UBXN11: variants seen among roughly 807,000 people sequenced by gnomAD.
The protein encoded by UBXN11 is UBX domain protein 11, also known as UBX domain-containing protein 11.
Under a neutral mutation model 62.8 loss-of-function variants are expected in UBXN11, and 47 were observed. That is an observed-to-expected ratio of 0.75 (90% CI 0.59 to 0.95). UBXN11 has a LOEUF of 0.95. UBXN11 is among the 40% of genes least tolerant of loss of function. The probability of loss-of-function intolerance (pLI) is 0.00; values close to 1 mark genes in which losing one functional copy is unlikely to be tolerated. For synonymous variants in UBXN11, 294 were observed against 267.0 expected (o/e 1.10, Z -0.99); for missense variants, 638 against 661.7 (o/e 0.96, Z 0.39).
chr1:26,311,490 T>G (rs2073744304), upstream of UBXN11, among the ~76,000 whole-genome samples: 1 of 151,380 alleles, frequency 6.6e-6, no homozygotes, highest in Admixed American at 6.6e-5. Context: ...TTGCCAAGGT[T>G]GGAGTGCAGT....
At chr1:26,296,860 TG>T (rs2073405435) in intron 7 of UBXN11, 58 bp downstream of exon 7, 2 of 1,531,976 alleles carry the variant, frequency 1.3e-6, no homozygotes, top group African/African-American at 2.7e-5. Context: ...CTGAGGAACA[TG>T]CCGTGAAGAG....
chr1:26,311,430 A>G (rs564274331), upstream of UBXN11, among the ~76,000 whole-genome samples: 13 of 148,738 alleles, frequency 8.7e-5, no homozygotes, highest in African/African-American at 3.2e-4. Context: ...ATGAGCCACC[A>G]TGCCCGGTGG....
chr1:26,308,199 G>A (rs2073701792), upstream of UBXN11, among the ~76,000 whole-genome samples: 2 of 150,756 alleles, frequency 1.3e-5, no homozygotes, highest in Non-Finnish European at 1.5e-5. Context: ...CCTGGGAGGC[G>A]GAGGTTGCGG....
chr1:26,302,196 T>C (rs1050796407), intron 2 of UBXN11, among the ~76,000 whole-genome samples: 1 of 151,848 alleles, frequency 6.6e-6, no homozygotes, highest in African/African-American at 2.4e-5. Context: ...AACCCGTCTC[T>C]ACTAAAAATA....
At chr1:26,315,014 G>C (rs1449977644) in intron 1 of UBXN11, among the ~76,000 whole-genome samples, 2 of 152,058 alleles carry the variant, frequency 1.3e-5, no homozygotes, top group Non-Finnish European at 2.9e-5. Context: ...CCAGGAGTTC[G>C]AGGTTACAGT....
chr1:26,294,650 G>A (rs2073352347), intron 7 of UBXN11, among the ~76,000 whole-genome samples: 1 of 152,210 alleles, frequency 6.6e-6, no homozygotes, highest in African/African-American at 2.4e-5. Context: ...AGCCTCCTTG[G>A]CTGCAGAAAT....
intron 1 of UBXN11, among the ~76,000 whole-genome samples, chr1:26,315,507 C>T (rs1454757816): frequency 2.6e-5 from 4 of 152,194 alleles, no homozygotes; most frequent in Non-Finnish European, 5.9e-5. Context: ...GAACTTGAGT[C>T]AAGGGTGAGG....
chr1:26,294,507 A>G (rs6695643), intron 7 of UBXN11, among the ~76,000 whole-genome samples, 176 bp from the exon 8 acceptor site: 133,275 of 152,246 alleles, frequency 0.88, 59,316 homozygotes, highest in Non-Finnish European at 0.93. Flanking sequence ...TTGGAAAGCC[A>G]CCTCAGTCCC....
intron 1 of UBXN11, among the ~76,000 whole-genome samples, chr1:26,304,005 C>A (rs898797832): frequency 6.6e-6 from 1 of 152,172 alleles, no homozygotes; most frequent in Non-Finnish European, 1.5e-5. Context: ...GATCCGCCCC[C>A]CTCGACCTCC....
rs780455667 is a variant in UBXN11 at position 26,282,392 on chromosome 1, ACCGGG to A, written c.1465_1469del (p.Pro489SerfsTer?). On this transcript the variant is annotated frameshift_variant, in exon 15 of 15. Coordinates refer to ENST00000374222, the MANE Select transcript of UBXN11 (RefSeq NM_001389556.1). LOFTEE classifies it low-confidence loss of function (END_TRUNC). ...GACCGGGACCGGGACTGGGGCCGGGACCGGGACCGGGACAGGGACCAGGACTGAAT... is the reference window on the plus strand; with the variant it reads ...GACCGGGACCGGGACTGGGGCCGGGAACCGGGACAGGGACCAGGACTGAAT... 1 of 414,292 alleles carries A rather than the reference ACCGGG, an allele frequency of 2.4e-6. No homozygotes were observed. Among genetic ancestry groups the A allele is most frequent in the Non-Finnish European group, 3.3e-6 (1 of 302,680 alleles). 25.7% of individuals were successfully genotyped at this position (414,292 alleles called of 1,614,324 possible).
intron 7 of UBXN11, among the ~76,000 whole-genome samples, chr1:26,294,996 A>C (rs1201203943): frequency 2.0e-5 from 3 of 152,028 alleles, no homozygotes; most frequent in Non-Finnish European, 4.4e-5. Flanking sequence ...ATCCAACACC[A>C]ACTCATGGGG....
chr1:26,298,416 C>T (rs2073447732), intron 4 of UBXN11, among the ~76,000 whole-genome samples: 1 of 152,118 alleles, frequency 6.6e-6, no homozygotes, highest in Non-Finnish European at 1.5e-5. Flanking sequence ...AGTTGGTACG[C>T]AAAACAGCAG....
chr1:26,296,839 GGA>G, intron 7 of UBXN11, 78 bp downstream of exon 7: 1 of 1,457,892 alleles, frequency 6.9e-7, no homozygotes, highest in South Asian at 1.3e-5. Context: ...AGGTGGGCTC[GGA>G]CCCAGCTCCT....
At chr1:26,305,677 T>TAG (rs5773155) in intron 1 of UBXN11, among the ~76,000 whole-genome samples, 5 of 151,936 alleles carry the variant, frequency 3.3e-5, no homozygotes, top group Non-Finnish European at 5.9e-5. Context: ...AAAGCTGTCA[T>TAG]GGGAAAAAAA....
Position 26,282,442 on chromosome 1 carries a change from C to A in UBXN11, c.1420G>T (p.Ala474Ser). Residue 474 changes from alanine to serine, a missense_variant, in exon 15 of 15, where the codon GCC becomes TCC. Ala to Ser is a moderately conservative substitution (Grantham distance 99). Coordinates refer to ENST00000374222, the MANE Select transcript of UBXN11 (RefSeq NM_001389556.1). ...KAALLLRARR[A>S]PKSSLKFSPG... ...CTGAATTTCAGGCTGGACTTCGGGG[C>A]TCGGCGTGCCCGCAGCAGCAGTGCT... 6.2e-7 allele frequency: 1 copy of A among 1,611,878 alleles called. No homozygotes were observed.
rs779458037 is a variant in UBXN11 at position 26,298,088 on chromosome 1, G to A, written c.200-26C>T. 3 of 1,606,554 alleles carry A rather than the reference G, an allele frequency of 1.9e-6. No individual in the cohort carries two copies. The Admixed American group carries it at 5.0e-5, about 27-fold the overall frequency. On this transcript the variant is annotated intron_variant, in intron 4 of 14. Transcript: ENST00000374222. Reference sequence around the variant, plus strand: ...CTGCCAAGCACACAAAGTCTTTAGAGCCCAGACCTAGAGCCGAGGCTGAGT... The same window carrying A: ...CTGCCAAGCACACAAAGTCTTTAGAACCCAGACCTAGAGCCGAGGCTGAGT...
At chr1:26,298,813 GGAAAA>G (rs976589422) in intron 4 of UBXN11, among the ~76,000 whole-genome samples, 3 of 149,786 alleles carry the variant, frequency 2.0e-5, no homozygotes, top group Non-Finnish European at 4.4e-5. Flanking sequence ...GTATGAAAAT[GGAAAA>G]GAAGAGAAAC....
At chr1:26,316,119 C>T (rs1398300145) in intron 1 of UBXN11, among the ~76,000 whole-genome samples, 5 of 146,586 alleles carry the variant, frequency 3.4e-5, no homozygotes, top group East Asian at 4.0e-4. Context: ...CCACTATGCC[C>T]GGCTAATTTT....
chr1:26,298,806 T>C (rs1207452322), intron 4 of UBXN11, among the ~76,000 whole-genome samples: 2 of 141,848 alleles, frequency 1.4e-5, no homozygotes, highest in East Asian at 2.0e-4. Flanking sequence ...AAAAAAAGTA[T>C]GAAAATGGAA....
Sources: allele counts gnomAD v4.1 joint callset (sites outside exome capture counted in the v4.1 genomes callset), GRCh38; gene constraint gnomAD v4.1.1; transcripts MANE v1.5; gene names NCBI Gene and HGNC (gene_info 2026-07-23, HGNC 2026-07-21).